SUGCT: variants seen among roughly 807,000 people sequenced by gnomAD.
The protein encoded by SUGCT is succinyl-CoA:glutarate-CoA transferase.
SUGCT carries 41 observed loss-of-function variants against 55.0 expected under a neutral mutation model. That is an observed-to-expected ratio of 0.74 (90% CI 0.58 to 0.97). The LOEUF (loss-of-function observed/expected upper bound fraction) is 0.97. Among genes scored for constraint, SUGCT ranks in the 50% least tolerant of loss-of-function variants. The probability of loss-of-function intolerance (pLI) is 0.00; values close to 1 mark genes in which losing one functional copy is unlikely to be tolerated. For synonymous variants in SUGCT, 187 were observed against 200.4 expected (o/e 0.93, Z 0.56); for missense variants, 568 against 547.8 (o/e 1.04, Z -0.37).
At chr7:40,886,748 AC>A in the SUGCT span, among the ~76,000 whole-genome samples, 2 of 152,164 alleles carry the variant, frequency 1.3e-5, no homozygotes, top group Non-Finnish European at 2.9e-5. Context: ...ATTTGGAGAT[AC>A]CCATGTTGGT....
chr7:40,247,523 C>G (rs1265771359), intron 7 of SUGCT, among the ~76,000 whole-genome samples: 2 of 152,072 alleles, frequency 1.3e-5, no homozygotes, highest in Admixed American at 6.6e-5. Flanking sequence ...CTCCCGAAGT[C>G]CTGGGATTAC....
chr7:40,168,999 G>C (rs575133174), intron 1 of SUGCT, among the ~76,000 whole-genome samples: 1 of 152,174 alleles, frequency 6.6e-6, no homozygotes, highest in East Asian at 1.9e-4. Context: ...TTAGGTTTCT[G>C]TACAGCCAAT....
intron 9 of SUGCT, among the ~76,000 whole-genome samples, chr7:40,430,044 G>A (rs11531505): frequency 0.11 from 17,013 of 152,090 alleles, 1,411 homozygotes; most frequent in East Asian, 0.48. Context: ...AATATTTTGT[G>A]TAGGTACTAC....
the SUGCT span, among the ~76,000 whole-genome samples, chr7:40,916,088 CA>C: frequency 7.3e-6 from 1 of 137,820 alleles, no homozygotes; most frequent in Admixed American, 7.0e-5. Context: ...CACACACACA[CA>C]CACACACACA....
intron 13 of SUGCT, among the ~76,000 whole-genome samples, chr7:40,845,163 TGTC>T (rs1484833366): frequency 6.6e-6 from 1 of 152,164 alleles, no homozygotes; most frequent in Non-Finnish European, 1.5e-5. Flanking sequence ...TTAATTTTGT[TGTC>T]AGCAAAGATC....
chr7:40,917,280 A>G, the SUGCT span, among the ~76,000 whole-genome samples: 1 of 152,242 alleles, frequency 6.6e-6, no homozygotes, highest in African/African-American at 2.4e-5. Context: ...GAAAAATACT[A>G]TGTAATTCCC....
At chr7:40,970,086 C>T in the SUGCT span, among the ~76,000 whole-genome samples, 1 of 152,134 alleles carries the variant, frequency 6.6e-6, no homozygotes, top group Non-Finnish European at 1.5e-5. Flanking sequence ...CAATGAAAGT[C>T]CATCGCGAGG....
intron 8 of SUGCT, among the ~76,000 whole-genome samples, chr7:40,288,996 G>C (rs1793536727): frequency 6.6e-6 from 1 of 152,036 alleles, no homozygotes; most frequent in South Asian, 2.1e-4. Flanking sequence ...CACTCATGTT[G>C]AAAGTGAAAA....
intron 12 of SUGCT, among the ~76,000 whole-genome samples, chr7:40,609,550 C>CAAAAA (rs934513690): frequency 1.4e-5 from 1 of 70,846 alleles, no homozygotes; most frequent in Admixed American, 1.5e-4. Context: ...GACTCCATCT[C>CAAAAA]AAAAAAAAAA....
At chr7:40,456,100 A>G (rs1206286176) in intron 10 of SUGCT, among the ~76,000 whole-genome samples, 3 of 152,070 alleles carry the variant, frequency 2.0e-5, no homozygotes, top group East Asian at 3.9e-4. Flanking sequence ...ATCTCGGCTC[A>G]CTGCAACCTC....
intron 3 of SUGCT, 111 bp downstream of exon 3, chr7:40,182,139 A>C (rs1341185834): frequency 5.8e-5 from 37 of 634,968 alleles, no homozygotes; most frequent in Non-Finnish European, 8.2e-5. Flanking sequence ...GAGAGAATTA[A>C]AATGAAATGA....
In SUGCT at chr7:40,315,592, C is replaced by A. The variant is rs144347141; in HGVS notation, c.721-1168C>A. ...GAATGGCTGCAGCAGCAAGGTGATT[C>A]ATCCAAGCTGAGTCCTGTTGATATT... On this transcript the variant is annotated intron_variant, in intron 8 of 13. Coordinates refer to ENST00000335693, the MANE Select transcript of SUGCT (RefSeq NM_001193313.2). Among the ~76,000 whole-genome samples the A allele has an allele frequency of 3.0e-4, 46 of 152,350 alleles. No homozygotes were observed. The East Asian group carries it at 8.5e-3, about 28-fold the overall frequency.
At chr7:41,037,932 T>C in the SUGCT span, among the ~76,000 whole-genome samples, 1 of 152,152 alleles carries the variant, frequency 6.6e-6, no homozygotes, top group Admixed American at 6.5e-5. Context: ...TCTTAATCCA[T>C]ATAAAAGTGC....
chr7:40,139,103 C>T (rs948801252), intron 1 of SUGCT, among the ~76,000 whole-genome samples: 53 of 148,470 alleles, frequency 3.6e-4, no homozygotes, highest in African/African-American at 1.2e-3. Flanking sequence ...CCAGCCTGGG[C>T]GACAACAGCA....
chr7:40,423,780 G>C (rs1156734631), intron 9 of SUGCT, among the ~76,000 whole-genome samples: 1 of 152,056 alleles, frequency 6.6e-6, no homozygotes, highest in Non-Finnish European at 1.5e-5. Context: ...TGGAGAATTT[G>C]ATTCTGTGTA....
intron 7 of SUGCT, among the ~76,000 whole-genome samples, chr7:40,241,405 C>A (rs13307407): frequency 6.6e-6 from 1 of 151,316 alleles, no homozygotes; most frequent in African/African-American, 2.4e-5. Flanking sequence ...ATGGTGAAAC[C>A]CCGTCTCTAC....
chr7:40,821,269 G>T (rs1278689952), intron 13 of SUGCT, among the ~76,000 whole-genome samples: 1 of 152,178 alleles, frequency 6.6e-6, no homozygotes, highest in African/African-American at 2.4e-5. Context: ...TCAGGATGAT[G>T]CTGGCCTCAT....
chr7:40,977,468 G>T, the SUGCT span, among the ~76,000 whole-genome samples: 1 of 152,172 alleles, frequency 6.6e-6, no homozygotes, highest in Admixed American at 6.5e-5. Flanking sequence ...CAACTTGTAT[G>T]TGCTATCTCA....
chr7:40,689,584 T>C lies in SUGCT; in HGVS notation c.1090-59850T>C, dbSNP rs80026667. Among the ~76,000 whole-genome samples the C allele has an allele frequency of 3.5e-3, 538 of 152,286 alleles. 4 individuals carry two copies. Among genetic ancestry groups the C allele is most frequent in the African/African-American group, 0.012 (514 of 41,550 alleles). ...CCTGACTTGTACTTCCTTCACACTA[T>C]ATGAAGGGCATCATATAGCCAACAC... On this transcript the variant is annotated intron_variant, in intron 12 of 13. Coordinates refer to ENST00000335693, the MANE Select transcript of SUGCT (RefSeq NM_001193313.2).
Sources: allele counts gnomAD v4.1 joint callset (sites outside exome capture counted in the v4.1 genomes callset), GRCh38; gene constraint gnomAD v4.1.1; transcripts MANE v1.5; gene names NCBI Gene and HGNC (gene_info 2026-07-23, HGNC 2026-07-21).